FMN2: variants seen among roughly 807,000 people sequenced by gnomAD.
FMN2 encodes formin-2.
A neutral mutation model predicts 142.3 loss-of-function variants in FMN2; 51 were observed. That is an observed-to-expected ratio of 0.36 (90% CI 0.29 to 0.45). The LOEUF (loss-of-function observed/expected upper bound fraction) is 0.45. Among genes scored for constraint, FMN2 ranks in the 20% least tolerant of loss-of-function variants. The probability of loss-of-function intolerance (pLI) is 1.00; values close to 1 mark genes in which losing one functional copy is unlikely to be tolerated. For synonymous variants in FMN2, 882 were observed against 869.8 expected, an observed-to-expected ratio of 1.01 and a Z score of -0.25; for missense variants, 1,936 against 2,122.8, an observed-to-expected ratio of 0.91 and a Z score of 1.73.
chr1:240,344,223 A>G (rs867877008), intron 13 of FMN2, among the ~76,000 whole-genome samples: 2 of 152,192 alleles, frequency 1.3e-5, no homozygotes, highest in Non-Finnish European at 2.9e-5. Flanking sequence ...GGGAAGAGCT[A>G]AACAAATCTT....
In FMN2 at chr1:240,092,115, G is replaced by A. The variant is rs944868965; in HGVS notation, c.6G>A (p.Gly2=). The stretch of plus-strand genomic sequence containing the variant: ...CGCAGCAGCGGGATTGCACCATGGG[G>A]AACCAGGATGGGAAGCTGAAGAGGA... The part of the protein sequence containing the change: M[G]NQDGKLKRSA... The change falls in exon 1 of 18, where the codon GGG becomes GGA. Residue 2 remains glycine, a synonymous_variant. Transcript: ENST00000319653. 6 of 1,551,016 alleles carry A rather than the reference G, an allele frequency of 3.9e-6. No homozygotes were observed. Among genetic ancestry groups the A allele is most frequent in the Non-Finnish European group, 4.4e-6 (5 of 1,148,466 alleles).
intron 14 of FMN2, among the ~76,000 whole-genome samples, chr1:240,379,559 C>T (rs1289537448): frequency 6.6e-6 from 1 of 152,098 alleles, no homozygotes; most frequent in Non-Finnish European, 1.5e-5. Context: ...TTTGGGGTCT[C>T]CTTTCTAGCA....
At chr1:240,164,186 A>G (rs1664388605) in intron 2 of FMN2, among the ~76,000 whole-genome samples, 1 of 152,210 alleles carries the variant, frequency 6.6e-6, no homozygotes. Context: ...GACCTGAGCC[A>G]CTACACCTAA....
chr1:240,097,871 A>G (rs955962283), intron 1 of FMN2, among the ~76,000 whole-genome samples: 9 of 152,134 alleles, frequency 5.9e-5, no homozygotes. Flanking sequence ...TTCGAATGAA[A>G]AAACCCAGGC....
At chr1:240,305,314 T>A (rs1245648156) in intron 8 of FMN2, among the ~76,000 whole-genome samples, 5 of 152,228 alleles carry the variant, frequency 3.3e-5, no homozygotes, top group African/African-American at 1.2e-4. Flanking sequence ...TATTACTCTC[T>A]GTAATACAAG....
At chr1:240,308,019 A>T (rs563194859) in intron 8 of FMN2, among the ~76,000 whole-genome samples, 1 of 152,206 alleles carries the variant, frequency 6.6e-6, no homozygotes, top group Non-Finnish European at 1.5e-5. Context: ...TATAGTTTTT[A>T]AAATATTCTG....
chr1:240,289,138 T>C (rs1317495815), intron 7 of FMN2, among the ~76,000 whole-genome samples: 1 of 152,178 alleles, frequency 6.6e-6, no homozygotes, highest in East Asian at 1.9e-4. Flanking sequence ...GGGGCATCTT[T>C]ACCACCAGTT....
At chr1:240,388,873 A>C (rs1340936591) in intron 14 of FMN2, among the ~76,000 whole-genome samples, 1 of 149,090 alleles carries the variant, frequency 6.7e-6, no homozygotes, top group Admixed American at 6.6e-5. Context: ...AAAAAAAAAA[A>C]AAAAGGGGGG....
At chr1:240,282,992 T>G (rs138353716) in intron 7 of FMN2, among the ~76,000 whole-genome samples, 54 of 152,296 alleles carry the variant, frequency 3.5e-4, no homozygotes, top group Admixed American at 1.6e-3. Context: ...ATTCTATTCC[T>G]TAGAAAACAA....
intron 2 of FMN2, among the ~76,000 whole-genome samples, chr1:240,149,987 T>A (rs915658155): frequency 6.6e-6 from 1 of 152,224 alleles, no homozygotes; most frequent in African/African-American, 2.4e-5. Flanking sequence ...CAATCTGATA[T>A]GTATAAATGC....
At chr1:240,359,475 G>A (rs551097559) in intron 14 of FMN2, among the ~76,000 whole-genome samples, 2 of 152,264 alleles carry the variant, frequency 1.3e-5, no homozygotes, top group East Asian at 1.9e-4. Context: ...AGCTCCCTCT[G>A]TATAATAGAA....
chr1:240,203,260 C>T (rs1335091667), intron 4 of FMN2, among the ~76,000 whole-genome samples: 1 of 152,100 alleles, frequency 6.6e-6, no homozygotes, highest in Non-Finnish European at 1.5e-5. Flanking sequence ...GTGGCAATTC[C>T]TAGACCTAGG....
chr1:240,191,786 A>G (rs190221988), intron 4 of FMN2, among the ~76,000 whole-genome samples: 67 of 152,290 alleles, frequency 4.4e-4, no homozygotes, highest in Admixed American at 3.9e-4. Context: ...GTTTCAAAGC[A>G]TTTTTCTAAA....
intron 1 of FMN2, among the ~76,000 whole-genome samples, chr1:240,102,738 G>C (rs1230743342): frequency 6.6e-6 from 1 of 152,110 alleles, no homozygotes; most frequent in Non-Finnish European, 1.5e-5. Flanking sequence ...TGTTGACTCT[G>C]TTGGATTCAA....
intron 1 of FMN2, among the ~76,000 whole-genome samples, chr1:240,116,343 G>A (rs1187872545): frequency 6.6e-6 from 1 of 152,162 alleles, no homozygotes; most frequent in East Asian, 1.9e-4. Context: ...AAAGAATGGG[G>A]TATTTAGAGA....
At chr1:240,101,766 C>T (rs1445784408) in intron 1 of FMN2, among the ~76,000 whole-genome samples, 7 of 148,116 alleles carry the variant, frequency 4.7e-5, no homozygotes, top group Non-Finnish European at 7.4e-5. Flanking sequence ...AGGCTGGTCT[C>T]GATAGGGCCT....
chr1:240,203,403 T>C (rs1666204010), intron 4 of FMN2, among the ~76,000 whole-genome samples: 2 of 151,994 alleles, frequency 1.3e-5, no homozygotes, highest in South Asian at 4.2e-4. Flanking sequence ...AGACGTGGAG[T>C]CAACCCAGTT....
intron 2 of FMN2, chr1:240,170,490 AAACT>A (rs1279629916): frequency 4.2e-5 from 62 of 1,487,358 alleles, no homozygotes; most frequent in Non-Finnish European, 5.5e-5. Context: ...CTAAATCCTA[AAACT>A]AACCTTGCCA....
intron 1 of FMN2, among the ~76,000 whole-genome samples, chr1:240,121,379 T>A (rs1043378597): frequency 1.4e-5 from 2 of 143,064 alleles, no homozygotes; most frequent in African/African-American, 2.7e-5. Context: ...TTTTTTATTT[T>A]TATTTTTTTT....
Sources: gnomAD v4.1 joint callset for allele counts (sites outside exome capture counted in the v4.1 genomes callset) on GRCh38, gnomAD v4.1.1 for gene constraint, MANE v1.5 for transcripts, NCBI Gene and HGNC (gene_info 2026-07-23, HGNC 2026-07-21) for gene names.